The following UTRN variants were observed in gnomAD, a reference collection of about 807,000 sequenced individuals.
The protein encoded by UTRN is dystrophin-related protein 1.
In UTRN, 283 loss-of-function variants were observed where a neutral mutation model predicts 463.9. The ratio of observed to expected loss-of-function variants is 0.61; its 90% CI spans 0.55 to 0.67. The LOEUF (loss-of-function observed/expected upper bound fraction) is 0.67, where lower values mean the gene tolerates loss of function less well. UTRN is among the 30% of genes least tolerant of loss of function. The pLI, the probability that UTRN is intolerant of heterozygous loss-of-function variation, is 0.00. For missense variants in UTRN, 3,922 were observed against 4,084.3 expected (o/e 0.96, Z 1.08); for synonymous variants, 1,442 against 1,431.5 (o/e 1.01, Z -0.17).
chr6:144,784,727 TA>T (rs1461551343), intron 61 of UTRN, among the ~76,000 whole-genome samples: 24 of 152,216 alleles, frequency 1.6e-4, no homozygotes, highest in African/African-American at 4.3e-4. Context: ...TCTAGGGAGT[TA>T]AATGTTGGCA....
chr6:144,480,479 C>T (rs1276007512), intron 26 of UTRN, among the ~76,000 whole-genome samples: 1 of 152,174 alleles, frequency 6.6e-6, no homozygotes, highest in Non-Finnish European at 1.5e-5. Flanking sequence ...TTTCCTGTTA[C>T]TAATCTTCCA....
chr6:144,440,436 G>A lies in UTRN; in HGVS notation c.1477G>A (p.Glu493Lys). The A allele has an allele frequency of 1.2e-6, 2 of 1,614,218 alleles. No homozygotes were observed. Among genetic ancestry groups the A allele is most frequent in the Non-Finnish European group, 1.7e-6 (2 of 1,180,034 alleles). ...GGTCATTGTTGATGAAAACAGTGGT[G>A]AGAGTGCTACAGCTATCCTAGAAGA... ...MVVIVDENSGESATAILEDQL... is the reference protein window; with the variant it reads ...MVVIVDENSGKSATAILEDQL... Residue 493 changes from glutamate (E) to lysine (K), a missense_variant, in exon 13 of 75, where the codon GAG becomes AAG. This residue lies in a region of UTRN where 2,349 missense variants were observed against 2,303.8 expected (regional missense o/e 1.02). Coordinates refer to ENST00000367545, the MANE Select transcript of UTRN (RefSeq NM_007124.3).
At chr6:144,768,941 G>GTTTT (rs1204880630) in intron 58 of UTRN, among the ~76,000 whole-genome samples, 4 of 96,910 alleles carry the variant, frequency 4.1e-5, no homozygotes, top group East Asian at 8.2e-4. Flanking sequence ...TTGCTACTTT[G>GTTTT]TTTTTTGTTT....
At chr6:144,848,063 G>T (rs1482679938) in intron 74 of UTRN, among the ~76,000 whole-genome samples, 1 of 152,160 alleles carries the variant, frequency 6.6e-6, no homozygotes, top group East Asian at 1.9e-4. Flanking sequence ...TAGGCTAGGG[G>T]TGTGGTGAGC....
At chr6:144,364,678 T>C (rs1241128558) in intron 2 of UTRN, among the ~76,000 whole-genome samples, 2 of 152,228 alleles carry the variant, frequency 1.3e-5, no homozygotes, top group Admixed American at 6.5e-5. Flanking sequence ...TTTACTATCT[T>C]ACATTTCTGA....
At chr6:144,336,035 G>GATCT (rs1776694340) in intron 2 of UTRN, among the ~76,000 whole-genome samples, 1 of 152,116 alleles carries the variant, frequency 6.6e-6, no homozygotes, top group Non-Finnish European at 1.5e-5. Flanking sequence ...GCTGCGGCAG[G>GATCT]ATCTACAGAT....
chr6:144,668,984 G>A (rs993699808), intron 51 of UTRN, among the ~76,000 whole-genome samples: 2 of 152,164 alleles, frequency 1.3e-5, no homozygotes, highest in Non-Finnish European at 2.9e-5. Flanking sequence ...CATTACCAAT[G>A]ATAGCCATGG....
intron 53 of UTRN, among the ~76,000 whole-genome samples, chr6:144,703,325 A>T (rs1257675568): frequency 6.6e-6 from 1 of 152,192 alleles, no homozygotes; most frequent in Admixed American, 6.5e-5. Flanking sequence ...TAGATGTTTA[A>T]GCTGTTGGAT....
intron 52 of UTRN, among the ~76,000 whole-genome samples, chr6:144,684,005 T>G (rs1006733892): frequency 2.0e-5 from 3 of 152,108 alleles, no homozygotes; most frequent in Admixed American, 6.6e-5. Flanking sequence ...GATCTATATA[T>G]AGGACATGCT....
At chr6:144,453,306 A>T (rs1183764962) in intron 18 of UTRN, among the ~76,000 whole-genome samples, 1 of 152,076 alleles carries the variant, frequency 6.6e-6, no homozygotes, top group Non-Finnish European at 1.5e-5. Flanking sequence ...TATTTTTAGT[A>T]GAGTTGGGGT....
chr6:144,818,199 G>A (rs1434207518), intron 65 of UTRN, among the ~76,000 whole-genome samples: 1 of 152,158 alleles, frequency 6.6e-6, no homozygotes, highest in African/African-American at 2.4e-5. Context: ...ATATTAATTT[G>A]TTTATATGAA....
chr6:144,496,174 A>G (rs1007283594), intron 33 of UTRN, among the ~76,000 whole-genome samples: 3 of 152,236 alleles, frequency 2.0e-5, no homozygotes, highest in Non-Finnish European at 2.9e-5. Flanking sequence ...TTAATAGGTA[A>G]TATTGAAAAC....
At chr6:144,657,178 A>C (rs542433526) in intron 51 of UTRN, among the ~76,000 whole-genome samples, 203 of 136,826 alleles carry the variant, frequency 1.5e-3, no homozygotes, top group Middle Eastern at 4.4e-3. Flanking sequence ...TGAACTTGGG[A>C]GGTGGAGGTT....
At chr6:144,776,722 C>A (rs1463264436) in intron 60 of UTRN, among the ~76,000 whole-genome samples, 2 of 152,190 alleles carry the variant, frequency 1.3e-5, no homozygotes, top group African/African-American at 4.8e-5. Context: ...GTATTCCATT[C>A]CTCCTGCCTA....
chr6:144,427,721 T>A (rs948356288), intron 7 of UTRN, among the ~76,000 whole-genome samples: 1 of 152,212 alleles, frequency 6.6e-6, no homozygotes, highest in Non-Finnish European at 1.5e-5. Context: ...AGGGATTTTA[T>A]CAAGAAACTG....
intron 50 of UTRN, 24 bp from the exon 51 acceptor site, chr6:144,577,075 G>A (rs376869142): frequency 7.2e-5 from 115 of 1,605,422 alleles, no homozygotes; most frequent in Non-Finnish European, 8.9e-5. Flanking sequence ...TAATGGAGCC[G>A]TGCTGTCATA....
chr6:144,634,004 G>C (rs1416128244), intron 51 of UTRN, among the ~76,000 whole-genome samples: 1 of 152,224 alleles, frequency 6.6e-6, no homozygotes, highest in Admixed American at 6.5e-5. Flanking sequence ...GCACAGCTGA[G>C]CAAAAAAGCC....
At chr6:144,758,570 C>T (rs1210074200) in intron 58 of UTRN, among the ~76,000 whole-genome samples, 1 of 152,044 alleles carries the variant, frequency 6.6e-6, no homozygotes, top group Non-Finnish European at 1.5e-5. Flanking sequence ...ATTCTGTTGT[C>T]CAGTTAGTTT....
intron 2 of UTRN, among the ~76,000 whole-genome samples, chr6:144,345,358 A>T (rs1245501439): frequency 6.6e-6 from 1 of 152,122 alleles, no homozygotes; most frequent in Non-Finnish European, 1.5e-5. Flanking sequence ...CAACATCAAA[A>T]TACCTCTCAG....
Sources: gnomAD v4.1 joint callset for allele counts (sites outside exome capture counted in the v4.1 genomes callset) on GRCh38, gnomAD v4.1.1 for gene constraint, gnomAD v4.1.1 regional missense constraint, MANE v1.5 for transcripts, NCBI Gene and HGNC (gene_info 2026-07-23, HGNC 2026-07-21) for gene names.